WDR93: variants seen among roughly 807,000 people sequenced by gnomAD.
WDR93 encodes the protein WD repeat-containing protein 93.
Under a neutral mutation model 82.9 loss-of-function variants are expected in WDR93, and 73 were observed. That is an observed-to-expected ratio of 0.88 (90% confidence interval 0.73 to 1.07). The LOEUF (loss-of-function observed/expected upper bound fraction) is 1.07. Among genes scored for constraint, WDR93 ranks in the 50% least tolerant of loss-of-function variants. WDR93 has a pLI of 0.00. For missense variants in WDR93, 738 were observed against 826.0 expected (o/e 0.89, Z 1.31); for synonymous variants, 283 against 300.1 (o/e 0.94, Z 0.59).
intron 14 of WDR93, among the ~76,000 whole-genome samples, chr15:89,736,793 CTTTTT>C (rs536745344): frequency 7.7e-6 from 1 of 130,536 alleles, no homozygotes; most frequent in African/African-American, 2.8e-5. Flanking sequence ...TCAAAGGGGG[CTTTTT>C]TTTTTTTTTT....
At chr15:89,690,664 G>T, upstream of WDR93, 1 of 1,532,436 alleles carries the variant, frequency 6.5e-7, no homozygotes. Flanking sequence ...GAGTCGCACG[G>T]GGCTCAGGCG....
intron 1 of WDR93, among the ~76,000 whole-genome samples, chr15:89,699,019 G>A (rs1057382714): frequency 8.6e-5 from 13 of 151,802 alleles, no homozygotes; most frequent in African/African-American, 3.1e-4. Context: ...CACCACGCCT[G>A]GCTAATTAAA....
chr15:89,696,359 C>T (rs1254743004), intron 1 of WDR93, among the ~76,000 whole-genome samples: 1 of 152,174 alleles, frequency 6.6e-6, no homozygotes. Flanking sequence ...GGATATACCA[C>T]AGTTTGTTTA....
intron 1 of WDR93, among the ~76,000 whole-genome samples, chr15:89,697,253 C>G (rs1177270462): frequency 6.6e-6 from 1 of 152,152 alleles, no homozygotes; most frequent in East Asian, 1.9e-4. Context: ...GCTGCCACAC[C>G]TGGCACTATT....
chr15:89,697,374 TAA>T (rs1016602137), intron 1 of WDR93, among the ~76,000 whole-genome samples: 1 of 152,210 alleles, frequency 6.6e-6, no homozygotes, highest in Non-Finnish European at 1.5e-5. Flanking sequence ...TTAAAACTAT[TAA>T]AAGTGATCCA....
chr15:89,704,127 C>T (rs549504860), intron 3 of WDR93: 1 of 151,102 alleles, frequency 6.6e-6, no homozygotes, highest in Admixed American at 6.6e-5. Flanking sequence ...GAGTTTGACA[C>T]CAGCCTGGCC....
At chr15:89,714,404 A>G (rs1369316025) in intron 5 of WDR93, 1 of 152,134 alleles carries the variant, frequency 6.6e-6, no homozygotes, top group Non-Finnish European at 1.5e-5. Flanking sequence ...GCTCACTGCA[A>G]CCTCCACCCA....
chr15:89,740,909 G>A (rs1380991111), intron 16 of WDR93, among the ~76,000 whole-genome samples: 3 of 152,132 alleles, frequency 2.0e-5, no homozygotes, highest in Admixed American at 6.5e-5. Flanking sequence ...GGAGGCCAAG[G>A]CGGGTGGATC....
intron 1 of WDR93, among the ~76,000 whole-genome samples, chr15:89,700,949 T>A (rs966196287): frequency 6.7e-6 from 1 of 149,878 alleles, no homozygotes; most frequent in Non-Finnish European, 1.5e-5. Context: ...TATATATTTA[T>A]AAGTTGATGT....
At chr15:89,722,725 C>A (rs1966574504) in intron 8 of WDR93, among the ~76,000 whole-genome samples, 1 of 151,986 alleles carries the variant, frequency 6.6e-6, no homozygotes, top group African/African-American at 2.4e-5. Context: ...GGGACTTGGT[C>A]AAGAGGAGCA....
intron 10 of WDR93, 111 bp downstream of exon 10, chr15:89,729,204 A>G: frequency 9.6e-7 from 1 of 1,040,252 alleles, no homozygotes. Context: ...GTAGGAGGGA[A>G]TGAAGAGGGG....
In WDR93 at chr15:89,716,926, A is replaced by G. The variant is rs560937907; in HGVS notation, c.772A>G (p.Ile258Val). 1.9e-6 allele frequency: 3 copies of G among 1,563,398 alleles called. No homozygotes were observed. Among genetic ancestry groups the G allele is most frequent in the East Asian group, 2.4e-5 (1 of 42,344 alleles). Residue 258 changes from isoleucine (I) to valine (V), a missense_variant, in exon 7 of 17, where the codon ATT (isoleucine) becomes GTT (valine). By Grantham distance (29) the Ile-to-Val change is conservative. Transcript: ENST00000268130. ...TTCTTCTCAGAACTCCCTTGGTCCCATTTCTGCAGATCCTTTAGAAATGGT... is the reference window on the plus strand; with the variant it reads ...TTCTTCTCAGAACTCCCTTGGTCCCGTTTCTGCAGATCCTTTAGAAATGGT... Reference protein sequence around the residue: ...RQPQLNSLGPISADPLEMDAN... With the variant: ...RQPQLNSLGPVSADPLEMDAN...
intron 7 of WDR93, 96 bp downstream of exon 7, chr15:89,717,045 C>CTTT (rs11457156): frequency 0.02 from 3,409 of 171,334 alleles, 85 homozygotes; most frequent in African/African-American, 0.071. Flanking sequence ...CTTTTTCTTT[C>CTTT]TTTTTTTTTT....
intron 7 of WDR93, among the ~76,000 whole-genome samples, chr15:89,720,279 T>G (rs1185993333): frequency 6.6e-6 from 1 of 152,178 alleles, no homozygotes; most frequent in Non-Finnish European, 1.5e-5. Flanking sequence ...AGGTTTTTAT[T>G]TTTTTATTTT....
At chr15:89,719,957 G>A (rs1056361916) in intron 7 of WDR93, among the ~76,000 whole-genome samples, 2 of 151,804 alleles carry the variant, frequency 1.3e-5, no homozygotes, top group East Asian at 1.9e-4. Context: ...CTGCCACCAC[G>A]CCTGGCTAAT....
Position 89,743,298 on chromosome 15 carries a change from G to A in WDR93, c.1968G>A (p.Arg656=). The A allele has an allele frequency of 3.1e-6, 5 of 1,614,228 alleles. No homozygotes were observed. The highest frequency in any genetic ancestry group is 4.2e-6 in the Non-Finnish European group (5 of 1,180,024). The change falls in exon 17 of 17, where the codon CGG becomes CGA. Residue 656 remains arginine, a synonymous_variant. Transcript: ENST00000268130. The part of the protein sequence containing the change: ...RCERFLQKSY[R]KLEKNPEKEE... The stretch of plus-strand genomic sequence containing the variant: ...ACAGTTGTGTGGCCCTCAGCTATCG[G>A]AAGCTGGAGAAGAACCCAGAGAAGG...
upstream of WDR93, chr15:89,690,549 G>T: frequency 6.5e-7 from 1 of 1,540,890 alleles, no homozygotes; most frequent in South Asian, 1.2e-5. Flanking sequence ...GGCGAGAAAG[G>T]GGCGGAGGCC....
intron 1 of WDR93, among the ~76,000 whole-genome samples, chr15:89,697,770 T>C (rs1364699208): frequency 3.9e-5 from 6 of 152,198 alleles, no homozygotes. Context: ...ATCTTCCTGT[T>C]TCTCATTAAA....
At chr15:89,724,902 C>G (rs1442050824) in intron 8 of WDR93, among the ~76,000 whole-genome samples, 6 of 152,088 alleles carry the variant, frequency 3.9e-5, no homozygotes, top group African/African-American at 1.4e-4. Context: ...AATGTGTTTG[C>G]TATTATCTAG....
Sources: allele counts gnomAD v4.1 joint callset (sites outside exome capture counted in the v4.1 genomes callset), GRCh38; gene constraint gnomAD v4.1.1; transcripts MANE v1.5; gene names NCBI Gene and HGNC (gene_info 2026-07-23, HGNC 2026-07-21).